The following LRRC4C variants were observed in gnomAD, a reference collection of about 807,000 sequenced individuals.
LRRC4C encodes the protein leucine rich repeat containing 4C.
Under a neutral mutation model 33.6 loss-of-function variants are expected in LRRC4C, and 5 were observed. That is an observed-to-expected ratio of 0.15 (90% CI 0.08 to 0.31). The LOEUF (loss-of-function observed/expected upper bound fraction) is 0.31, where lower values mean the gene tolerates loss of function less well. Ranked by LOEUF, LRRC4C falls within the 10% of genes least tolerant of loss-of-function variation. The probability of loss-of-function intolerance (pLI) is 1.00; values close to 1 mark genes in which losing one functional copy is unlikely to be tolerated. For missense variants in LRRC4C, 560 were observed against 796.7 expected, an observed-to-expected ratio of 0.70 and a Z score of 3.58; for synonymous variants, 329 against 302.0, an observed-to-expected ratio of 1.09 and a Z score of -0.93.
chr11:40,284,607 A>G (rs10501227), intron 4 of LRRC4C, among the ~76,000 whole-genome samples: 13,447 of 152,216 alleles, frequency 0.088, 687 homozygotes, highest in African/African-American at 0.14. Flanking sequence ...CTAGTTAGAG[A>G]CAATCTAGGA....
At chr11:40,349,242 C>T (rs1485309447) in intron 3 of LRRC4C, among the ~76,000 whole-genome samples, 1 of 152,094 alleles carries the variant, frequency 6.6e-6, no homozygotes, top group African/African-American at 2.4e-5. Context: ...CTCTGATAAC[C>T]ATCATTCTAC....
In LRRC4C at chr11:40,591,874, A is replaced by G. The variant is rs1315950172; in HGVS notation, c.-270+56268T>C. Among the ~76,000 whole-genome samples the G allele has an allele frequency of 3.3e-5, 5 of 152,238 alleles. No individual in the cohort carries two copies. The East Asian group carries it at 5.8e-4, about 18-fold the overall frequency. On this transcript the variant is annotated intron_variant, in intron 3 of 6. Transcript: ENST00000528697. Reference sequence around the variant, plus strand: ...TGACTTATACAACTAGGGACTTTGCATAGGCTAGACCAAATAAGGCGACTG... The same window carrying G: ...TGACTTATACAACTAGGGACTTTGCGTAGGCTAGACCAAATAAGGCGACTG...
intron 5 of LRRC4C, among the ~76,000 whole-genome samples, chr11:40,226,186 A>G (rs1590759244): frequency 6.6e-6 from 1 of 152,160 alleles, no homozygotes; most frequent in African/African-American, 2.4e-5. Context: ...TTTAATCTCA[A>G]CTTATCTTGT....
chr11:41,450,848 A>C (rs977602267), intron 1 of LRRC4C, among the ~76,000 whole-genome samples: 7 of 152,116 alleles, frequency 4.6e-5, no homozygotes, highest in African/African-American at 1.4e-4. Context: ...TCTCCTCGGA[A>C]ACATTATCAC....
At chr11:41,042,476 G>T (rs555480328) in intron 1 of LRRC4C, among the ~76,000 whole-genome samples, 5 of 152,268 alleles carry the variant, frequency 3.3e-5, no homozygotes, top group Admixed American at 2.0e-4. Context: ...CACATGGAGA[G>T]ACCATAAGGA....
intron 5 of LRRC4C, among the ~76,000 whole-genome samples, chr11:40,227,336 T>A (rs181265166): frequency 1.3e-5 from 2 of 152,344 alleles, no homozygotes; most frequent in Admixed American, 1.3e-4. Flanking sequence ...TAGGTGATGC[T>A]CCTTTGAAGA....
intron 1 of LRRC4C, among the ~76,000 whole-genome samples, chr11:41,221,741 A>G (rs1947318521): frequency 1.3e-5 from 2 of 152,222 alleles, no homozygotes; most frequent in Non-Finnish European, 2.9e-5. Context: ...ATTGGAAAGA[A>G]TAAATTTATA....
intron 2 of LRRC4C, among the ~76,000 whole-genome samples, chr11:40,664,361 A>G (rs1263952545): frequency 6.6e-6 from 1 of 152,136 alleles, no homozygotes; most frequent in Non-Finnish European, 1.5e-5. Context: ...CCTGGCCAAC[A>G]TGGCAAAACT....
intron 2 of LRRC4C, among the ~76,000 whole-genome samples, chr11:40,792,929 T>G (rs1169114594): frequency 6.6e-6 from 1 of 151,972 alleles, no homozygotes; most frequent in African/African-American, 2.4e-5. Flanking sequence ...TAGGTGGGAA[T>G]TGAACAATGA....
chr11:40,537,518 G>A (rs371611604), intron 3 of LRRC4C, among the ~76,000 whole-genome samples: 3 of 152,144 alleles, frequency 2.0e-5, no homozygotes, highest in Admixed American at 6.5e-5. Context: ...GACAGGTAAA[G>A]TTCCAAAACA....
At chr11:40,664,651 A>G (rs974866942) in intron 2 of LRRC4C, among the ~76,000 whole-genome samples, 5 of 152,160 alleles carry the variant, frequency 3.3e-5, no homozygotes, top group African/African-American at 9.7e-5. Flanking sequence ...AATATAAGAA[A>G]CCCAAACAAA....
intron 1 of LRRC4C, among the ~76,000 whole-genome samples, chr11:41,214,575 C>CAAAAAAAAAAAAAA (rs547167050): frequency 1.2e-4 from 4 of 34,756 alleles, no homozygotes; most frequent in African/African-American, 4.7e-4. Context: ...ACTAAAAATA[C>CAAAAAAAAAAAAAA]AAAAAAAAAA....
chr11:40,586,438 G>C (rs1210373140), intron 3 of LRRC4C, among the ~76,000 whole-genome samples: 1 of 148,332 alleles, frequency 6.7e-6, no homozygotes, highest in Non-Finnish European at 1.5e-5. Context: ...TGTTCACTCT[G>C]ATGGTAGTTT....
intron 1 of LRRC4C, among the ~76,000 whole-genome samples, chr11:40,955,123 C>T (rs1019281719): frequency 5.3e-5 from 8 of 151,830 alleles, no homozygotes; most frequent in African/African-American, 1.9e-4. Flanking sequence ...AGTTATGTTG[C>T]CATGACATAT....
chr11:40,642,211 G>C (rs1055284049), intron 3 of LRRC4C, among the ~76,000 whole-genome samples: 1 of 151,362 alleles, frequency 6.6e-6, no homozygotes, highest in Non-Finnish European at 1.5e-5. Flanking sequence ...ACAAGTATAT[G>C]TGTAAAGAAT....
intron 3 of LRRC4C, among the ~76,000 whole-genome samples, chr11:40,579,584 T>C (rs965871460): frequency 1.3e-5 from 2 of 152,144 alleles, no homozygotes; most frequent in Non-Finnish European, 2.9e-5. Flanking sequence ...ATTACCACAG[T>C]CTAGTTTTAG....
chr11:41,211,685 A>G (rs182506193), intron 1 of LRRC4C, among the ~76,000 whole-genome samples: 13 of 152,292 alleles, frequency 8.5e-5, no homozygotes, highest in Admixed American at 7.9e-4. Context: ...GCTGCATAGT[A>G]TTCCATGGTG....
intron 1 of LRRC4C, among the ~76,000 whole-genome samples, chr11:41,188,901 G>C (rs376489163): frequency 3.2e-5 from 4 of 124,294 alleles, no homozygotes; most frequent in African/African-American, 9.0e-5. Flanking sequence ...AACAGGACCT[G>C]CCCCCCCCCC....
intron 3 of LRRC4C, among the ~76,000 whole-genome samples, chr11:40,569,529 A>G (rs1436249562): frequency 6.6e-6 from 1 of 152,050 alleles, no homozygotes; most frequent in African/African-American, 2.4e-5. Flanking sequence ...ATGCCTATGT[A>G]TGTGTGATGT....
Sources: gnomAD v4.1 joint callset for allele counts (sites outside exome capture counted in the v4.1 genomes callset) on GRCh38, gnomAD v4.1.1 for gene constraint, MANE v1.5 for transcripts, NCBI Gene and HGNC (gene_info 2026-07-23, HGNC 2026-07-21) for gene names.